The following TNFSF12 variants were observed in gnomAD, a reference collection of about 807,000 sequenced individuals.
The protein encoded by TNFSF12 is TNF superfamily member 12.
TNFSF12 carries 16 observed loss-of-function variants against 31.2 expected under a neutral mutation model. The ratio of observed to expected loss-of-function variants is 0.51; its 90% CI spans 0.35 to 0.78. The LOEUF (loss-of-function observed/expected upper bound fraction) is 0.78. Ranked by LOEUF, TNFSF12 falls within the 30% of genes least tolerant of loss-of-function variation. The pLI is 0.01. For missense variants in TNFSF12, 324 were observed against 338.8 expected, an observed-to-expected ratio of 0.96 and a Z score of 0.34; for synonymous variants, 150 against 151.4, an observed-to-expected ratio of 0.99 and a Z score of 0.07.
intron 5 of TNFSF12, among the ~76,000 whole-genome samples, chr17:7,553,071 G>A (rs1555564418): frequency 1.1e-5 from 1 of 88,134 alleles, no homozygotes; most frequent in Non-Finnish European, 2.0e-5. Flanking sequence ...TTGTGACAGA[G>A]TTTCACTCTT....
At chr17:7,554,477 CTAAT>C (rs1777152328) in intron 5 of TNFSF12, among the ~76,000 whole-genome samples, 1 of 151,394 alleles carries the variant, frequency 6.6e-6, no homozygotes, top group Admixed American at 6.6e-5. Flanking sequence ...CCACGCCTGG[CTAAT>C]TTTTTTTTAT....
chr17:7,552,176 A>G (rs931989118), intron 5 of TNFSF12, among the ~76,000 whole-genome samples: 6 of 152,234 alleles, frequency 3.9e-5, no homozygotes, highest in African/African-American at 1.4e-4. Flanking sequence ...GTTGGGAAGT[A>G]TGTAAGATAA....
chr17:7,552,327 CTTTTT>C (rs930416946), intron 5 of TNFSF12, among the ~76,000 whole-genome samples: 1 of 128,922 alleles, frequency 7.8e-6, no homozygotes. Flanking sequence ...ATATGGATGG[CTTTTT>C]TTTTTTTTTT....
In TNFSF12 at chr17:7,550,518, T is replaced by C. The variant is rs2070988868; in HGVS notation, c.284-281T>C. On this transcript the variant is annotated intron_variant, in intron 3 of 6. Coordinates refer to ENST00000293825, the MANE Select transcript of TNFSF12 (RefSeq NM_003809.3). The surrounding 1 kb of genome is among the most constrained non-coding windows in gnomAD (Gnocchi z 4.4). ...GGAATGGGATGATGGGGTGGCCGGA[T>C]GACCACGTGTCCAAGTCGGCATGCA... Among the ~76,000 whole-genome samples the C allele has an allele frequency of 6.6e-6, 1 of 151,776 alleles. No homozygotes were observed. The highest frequency in any genetic ancestry group is 1.5e-5 in the Non-Finnish European group (1 of 68,014).
chr17:7,557,305 G>C lies in TNFSF12; in HGVS notation c.705G>C (p.Lys235Asn). The C allele has an allele frequency of 6.2e-7, 1 of 1,612,574 alleles. No homozygotes were observed. The highest frequency in any genetic ancestry group is 8.5e-7 in the Non-Finnish European group (1 of 1,179,122). The change falls in exon 7 of 7, where the codon AAG (lysine) becomes AAC (asparagine). Residue 235 changes from lysine (K) to asparagine (N), a missense_variant. Transcript: ENST00000293825. The surrounding 1 kb of genome is among the most constrained non-coding windows in gnomAD (Gnocchi z 5.2). ...GCACCCTCCCCTGGGCCCATCTCAAGGCTGCCCCCTTCCTCACCTACTTCG... is the reference window on the plus strand; with the variant it reads ...GCACCCTCCCCTGGGCCCATCTCAACGCTGCCCCCTTCCTCACCTACTTCG... ...RIRTLPWAHLKAAPFLTYFGL... is the reference protein window; with the variant it reads ...RIRTLPWAHLNAAPFLTYFGL...
In TNFSF12 at chr17:7,556,888, T is replaced by C; in HGVS notation, c.484T>C (p.Tyr162His). Residue 162 changes from tyrosine to histidine, a missense_variant, in exon 6 of 7, where the codon TAC (tyrosine) becomes CAC (histidine). Transcript: ENST00000293825. ...TATAGTCACCCGGGCTGGGCTCTAC[T>C]ACCTGTACTGTCAGGTAAGCCCCAT... ...EFIVTRAGLY[Y>H]LYCQVHFDEG... 2 of 1,532,890 alleles carry C rather than the reference T, an allele frequency of 1.3e-6. No homozygotes were observed. The highest frequency in any genetic ancestry group is 2.3e-5 in the East Asian group (1 of 43,936). The allele number at this position is 1,532,890 out of a possible 1,614,324, so 95.0% of individuals were successfully genotyped here.
Position 7,549,421 on chromosome 17 carries a change from G to A in TNFSF12, c.160-53G>A. ...GCAAGGGGAAGGGAGGATGGGTGGA[G>A]GGTGAGATGTCAGGTGGAGCGGCAC... On this transcript the variant is annotated intron_variant, in intron 1 of 6. Transcript: ENST00000293825. The surrounding 1 kb of genome is among the most constrained non-coding windows in gnomAD (Gnocchi z 4.1). The A allele has an allele frequency of 6.9e-7, 1 of 1,450,078 alleles. No individual in the cohort carries two copies. The highest frequency in any genetic ancestry group is 2.6e-5 in the East Asian group (1 of 38,066). The allele number at this position is 1,450,078 out of a possible 1,614,324, so 89.8% of individuals were successfully genotyped here.
At position 7,553,023 on chromosome 17, in the gene TNFSF12, C is replaced by CTTTTTT. The variant is rs71159509; in HGVS notation, c.373+2079_373+2084dup. ...ATAAGGAACTGGAGGCAGGGACAAC[C>CTTTTTT]TTTTTTTTTTTTTTTTTTTTTTTTT... On this transcript the variant is annotated intron_variant, in intron 5 of 6. Transcript: ENST00000293825. Among the ~76,000 whole-genome samples the CTTTTTT allele has an allele frequency of 5.3e-4, 35 of 66,096 alleles. 6 individuals carry two copies. Among genetic ancestry groups the CTTTTTT allele is most frequent in the African/African-American group, 1.9e-3 (26 of 13,848 alleles). 43.4% of individuals were successfully genotyped at this position (66,096 alleles called of 152,430 possible). A position where few individuals can be genotyped will look rare whatever the true frequency, so the allele number is the denominator to read the frequency against.
In TNFSF12 at chr17:7,549,422, G is replaced by C; in HGVS notation, c.160-52G>C. ...CAAGGGGAAGGGAGGATGGGTGGAG[G>C]GTGAGATGTCAGGTGGAGCGGCACA... On this transcript the variant is annotated intron_variant, in intron 1 of 6. Coordinates refer to ENST00000293825, the MANE Select transcript of TNFSF12 (RefSeq NM_003809.3). This position sits in a 1 kb window ranked among gnomAD's most constrained non-coding sequence, Gnocchi z 4.1. 6.9e-7 allele frequency: 1 copy of C among 1,451,420 alleles called. No individual in the cohort carries two copies. Among genetic ancestry groups the C allele is most frequent in the Non-Finnish European group, 9.2e-7 (1 of 1,087,920 alleles). The allele number at this position is 1,451,420 out of a possible 1,614,324, so 89.9% of individuals were successfully genotyped here.
At chr17:7,555,819 C>T (rs2071054787) in intron 5 of TNFSF12, among the ~76,000 whole-genome samples, 1 of 151,788 alleles carries the variant, frequency 6.6e-6, no homozygotes, top group Non-Finnish European at 1.5e-5. Context: ...TGAGGGGGGT[C>T]AGCTCAGTGT....
intron 5 of TNFSF12, among the ~76,000 whole-genome samples, chr17:7,555,267 C>T (rs963254302): frequency 2.0e-5 from 3 of 152,088 alleles, no homozygotes; most frequent in African/African-American, 4.8e-5. Context: ...CTCCCTGCAT[C>T]GCAAGGTGCC....
rs1196449070 is a variant in TNFSF12, at chr17:7,556,961, G to T, written c.498+59G>T. 2.1e-5 allele frequency: 32 copies of T among 1,525,466 alleles called. No homozygotes were observed. In the South Asian group the frequency reaches 2.8e-4, roughly 13 times the overall value. The allele number at this position is 1,525,466 out of a possible 1,614,324, so 94.5% of individuals were successfully genotyped here. A position where few individuals can be genotyped will look rare whatever the true frequency, so the allele number is the denominator to read the frequency against. On this transcript the variant is annotated intron_variant, in intron 6 of 6. Transcript: ENST00000293825. ...AAGAGAGTGGCGAAGGGTTTGCCAG[G>T]AGAGTGGGGGACAAGCTACAGGGCT...
Position 7,549,118 on chromosome 17 carries a change from G to T in TNFSF12, c.-36G>T, listed in dbSNP as rs996974616. The stretch of plus-strand genomic sequence containing the variant: ...CCCCCGATCCCTCGGGTCCCGGGAT[G>T]GGGGGGCGGTGAGGCAGGCACAGCC... On this transcript the variant is annotated 5_prime_UTR_variant, in exon 1 of 7. The change abolishes an upstream ATG in the 5' untranslated region. Coordinates refer to ENST00000293825, the MANE Select transcript of TNFSF12 (RefSeq NM_003809.3). This position sits in a 1 kb window ranked among gnomAD's most constrained non-coding sequence, Gnocchi z 4.1. 3 of 1,243,512 alleles carry T rather than the reference G, an allele frequency of 2.4e-6. No homozygotes were observed. The highest frequency in any genetic ancestry group is 3.0e-6 in the Non-Finnish European group (3 of 994,306). The allele number at this position is 1,243,512 out of a possible 1,614,324, so 77.0% of individuals were successfully genotyped here.
intron 5 of TNFSF12, among the ~76,000 whole-genome samples, chr17:7,552,378 A>G (rs1265772537): frequency 7.3e-6 from 1 of 136,742 alleles, no homozygotes; most frequent in Non-Finnish European, 1.5e-5. Flanking sequence ...CCCAGGCTGG[A>G]GTGCAGTGGT....
Position 7,550,039 on chromosome 17 carries a change from G to A in TNFSF12, c.208-81G>A. ...CTGACTTCTGTGTCTATTGCTGGCTGGTGGCTCTCCTGACAGGCCCCGTAT... is the reference window on the plus strand; with the variant it reads ...CTGACTTCTGTGTCTATTGCTGGCTAGTGGCTCTCCTGACAGGCCCCGTAT... On this transcript the variant is annotated intron_variant, in intron 2 of 6. Transcript: ENST00000293825. The surrounding 1 kb of genome is among the most constrained non-coding windows in gnomAD (Gnocchi z 4.4). 6.2e-7 allele frequency: 1 copy of A among 1,604,868 alleles called. No homozygotes were observed. The highest frequency in any genetic ancestry group is 8.5e-7 in the Non-Finnish European group (1 of 1,172,470).
At chr17:7,555,091 G>A (rs1487190724) in intron 5 of TNFSF12, among the ~76,000 whole-genome samples, 1 of 151,980 alleles carries the variant, frequency 6.6e-6, no homozygotes, top group Non-Finnish European at 1.5e-5. Context: ...AGGCTGCAGT[G>A]AGCCGAGATT....
At chr17:7,553,181 C>T (rs11870748) in intron 5 of TNFSF12, among the ~76,000 whole-genome samples, 2 of 151,816 alleles carry the variant, frequency 1.3e-5, no homozygotes, top group South Asian at 4.2e-4. Context: ...TCCCCAGTAG[C>T]TGAGATTACA....
rs764826042 is a variant in TNFSF12, at chr17:7,557,199, C to T, written c.599C>T (p.Ala200Val). 2.5e-6 allele frequency: 4 copies of T among 1,611,970 alleles called. No homozygotes were observed. The highest frequency in any genetic ancestry group is 1.6e-4 in the Middle Eastern group (1 of 6,074). Residue 200 changes from alanine (A) to valine (V), a missense_variant, in exon 7 of 7, where the codon GCG (alanine) becomes GTG (valine). Coordinates refer to ENST00000293825, the MANE Select transcript of TNFSF12 (RefSeq NM_003809.3). The surrounding 1 kb of genome is among the most constrained non-coding windows in gnomAD (Gnocchi z 5.2). Reference sequence around the variant, plus strand: ...CTGGAGGAATTCTCAGCCACTGCGGCGAGTTCCCTCGGGCCCCAGCTCCGC... The same window carrying T: ...CTGGAGGAATTCTCAGCCACTGCGGTGAGTTCCCTCGGGCCCCAGCTCCGC... ...RCLEEFSATA[A>V]SSLGPQLRLC... is the part of the protein sequence containing the mutation.
chr17:7,553,878 T>C (rs2071028225), intron 5 of TNFSF12: 2 of 1,082,112 alleles, frequency 1.8e-6, no homozygotes, highest in Non-Finnish European at 2.3e-6. Context: ...CTCGATGACT[T>C]CTAGGTCCTC....
Sources: gnomAD v4.1 joint callset for allele counts (sites outside exome capture counted in the v4.1 genomes callset) on GRCh38, gnomAD v4.1.1 for gene constraint, Gnocchi (gnomAD v3.1) non-coding constraint, MANE v1.5 for transcripts, NCBI Gene and HGNC (gene_info 2026-07-23, HGNC 2026-07-21) for gene names.